AKAP13: variants seen among roughly 807,000 people sequenced by gnomAD.
AKAP13 encodes the protein A-kinase anchor protein 13.
A neutral mutation model predicts 264.5 loss-of-function variants in AKAP13; 80 were observed. The ratio of observed to expected loss-of-function variants is 0.30; its 90% CI spans 0.25 to 0.36. The LOEUF (loss-of-function observed/expected upper bound fraction) is 0.36, where lower values mean the gene tolerates loss of function less well. Among genes scored for constraint, AKAP13 ranks in the 10% least tolerant of loss-of-function variants. The pLI is 1.00. For synonymous variants in AKAP13, 1,380 were observed against 1,250.2 expected (o/e 1.10, Z -2.19); for missense variants, 3,712 against 3,435.2 (o/e 1.08, Z -2.01).
rs371243448 is a variant in AKAP13 at position 85,641,648 on chromosome 15, G to T, written c.4237+2199G>T. On this transcript the variant is annotated intron_variant, in intron 9 of 36. Transcript: ENST00000394518. ...CTACAGGTGCCTGCCACCACACCCG[G>T]CTAATTTTTTTGTATTTTCAGTAGA... Among the ~76,000 whole-genome samples the T allele has an allele frequency of 3.7e-4, 56 of 151,188 alleles. No individual in the cohort carries two copies. In the East Asian group the frequency reaches 5.0e-3, roughly 13 times the overall value.
At chr15:85,464,097 A>G (rs2074632283) in intron 1 of AKAP13, among the ~76,000 whole-genome samples, 2 of 151,970 alleles carry the variant, frequency 1.3e-5, no homozygotes, top group Admixed American at 1.3e-4. Context: ...CCTTTCCCAC[A>G]CGGCGTCTAT....
intron 1 of AKAP13, among the ~76,000 whole-genome samples, chr15:85,460,384 T>G (rs2074463375): frequency 6.6e-6 from 1 of 152,242 alleles, no homozygotes; most frequent in African/African-American, 2.4e-5. Flanking sequence ...TAATGCGTTC[T>G]TAGAAGATAC....
At chr15:85,622,812 C>T (rs2081254261) in intron 8 of AKAP13, among the ~76,000 whole-genome samples, 1 of 152,162 alleles carries the variant, frequency 6.6e-6, no homozygotes, top group East Asian at 1.9e-4. Flanking sequence ...CATGTTTTTC[C>T]TGCTATTCTA....
intron 1 of AKAP13, among the ~76,000 whole-genome samples, chr15:85,473,474 T>C (rs1402915390): frequency 6.6e-6 from 1 of 152,248 alleles, no homozygotes; most frequent in Non-Finnish European, 1.5e-5. Context: ...CAGAGAATGC[T>C]GAGACCTTGG....
chr15:85,544,733 T>A (rs2077678872), intron 5 of AKAP13, among the ~76,000 whole-genome samples: 1 of 152,236 alleles, frequency 6.6e-6, no homozygotes, highest in African/African-American at 2.4e-5. Context: ...GTTTAATACA[T>A]TTTTATTAGT....
At position 85,658,080 on chromosome 15, in the gene AKAP13, G is replaced by T. The variant is rs2287349; in HGVS notation, c.4746-457G>T. Among the ~76,000 whole-genome samples the T allele has an allele frequency of 2.0e-5, 3 of 152,182 alleles. No homozygotes were observed. The East Asian group carries it at 5.8e-4, about 29-fold the overall frequency. ...CTTTTCATCCTGCATAATGTCATGG[G>T]ATCTCCTGTTTGAATTTACTGCTAG... is the stretch of plus-strand genomic sequence containing the variant. On this transcript the variant is annotated intron_variant, in intron 11 of 36. Transcript: ENST00000394518.
chr15:85,686,145 CTGTG>C (rs36166313), intron 16 of AKAP13, among the ~76,000 whole-genome samples: 131 of 149,528 alleles, frequency 8.8e-4, no homozygotes, highest in East Asian at 3.0e-3. Context: ...CAAGGAATCA[CTGTG>C]TGTGTGTGTG....
chr15:85,650,531 G>A lies in AKAP13; in HGVS notation c.4374+4577G>A, dbSNP rs572973227. On this transcript the variant is annotated intron_variant, in intron 10 of 36. Transcript: ENST00000394518. ...ATGCCTTTGAGAGGCCGAGGCAGGCGGATCACTGGAGGTCAGGAGTTCGAG... is the reference window on the plus strand; with the variant it reads ...ATGCCTTTGAGAGGCCGAGGCAGGCAGATCACTGGAGGTCAGGAGTTCGAG... Among the ~76,000 whole-genome samples the A allele has an allele frequency of 7.9e-5, 12 of 151,698 alleles. No individual in the cohort carries two copies. In the East Asian group the frequency reaches 9.7e-4, roughly 12 times the overall value.
chr15:85,399,527 A>AAAAAAAAAAAAAAAAAAT (rs1567038675), intron 1 of AKAP13, among the ~76,000 whole-genome samples: 1 of 114,740 alleles, frequency 8.7e-6, no homozygotes, highest in African/African-American at 3.6e-5. Flanking sequence ...AAAAAATAAA[A>AAAAAAAAAAAAAAAAAAT]AAATAAAAAA....
chr15:85,611,800 C>G (rs1489253175), intron 8 of AKAP13, among the ~76,000 whole-genome samples: 7 of 152,166 alleles, frequency 4.6e-5, no homozygotes, highest in South Asian at 4.1e-4. Context: ...TTTCTTCCCT[C>G]TGGGCCTTAT....
At chr15:85,626,352 G>C (rs1283781683) in intron 8 of AKAP13, among the ~76,000 whole-genome samples, 1 of 152,112 alleles carries the variant, frequency 6.6e-6, no homozygotes, top group East Asian at 1.9e-4. Flanking sequence ...TGTCTCTCCA[G>C]AACTTTTTCA....
chr15:85,566,124 C>G (rs1331894905), intron 5 of AKAP13, among the ~76,000 whole-genome samples: 1 of 152,208 alleles, frequency 6.6e-6, no homozygotes, highest in Non-Finnish European at 1.5e-5. Flanking sequence ...ACCAGTGCTA[C>G]AGAGAGACAA....
chr15:85,686,506 G>A (rs553921111), intron 16 of AKAP13, among the ~76,000 whole-genome samples: 1 of 152,096 alleles, frequency 6.6e-6, no homozygotes, highest in East Asian at 1.9e-4. Flanking sequence ...GTACAGAATG[G>A]AGAGAAAGTA....
intron 8 of AKAP13, among the ~76,000 whole-genome samples, chr15:85,619,009 A>G (rs556658418): frequency 1.3e-4 from 20 of 152,164 alleles, no homozygotes; most frequent in African/African-American, 2.9e-4. Flanking sequence ...GGTAGTTTCA[A>G]TTTTCTGTAC....
intron 20 of AKAP13, 79 bp downstream of exon 20, chr15:85,716,002 C>CATT: frequency 7.9e-7 from 1 of 1,269,302 alleles, no homozygotes; most frequent in Non-Finnish European, 1.0e-6. Flanking sequence ...TGACAAAAAG[C>CATT]TTTTTTTTTT....
chr15:85,732,744 T>C lies in AKAP13; in HGVS notation c.7282+2037T>C, dbSNP rs906249694. Among the ~76,000 whole-genome samples the C allele has an allele frequency of 4.0e-5, 6 of 150,156 alleles. No individual in the cohort carries two copies. The East Asian group carries it at 1.2e-3, about 29-fold the overall frequency. The stretch of plus-strand genomic sequence containing the variant: ...TACTCATAACTGTTAGTAATACTAA[T>C]AGTATTACTAATTACTATTGCTAAT... On this transcript the variant is annotated intron_variant, in intron 30 of 36. Transcript: ENST00000394518.
In AKAP13 at chr15:85,533,863, C is replaced by G. The variant is rs752281960; in HGVS notation, c.461C>G (p.Thr154Arg). The G allele has an allele frequency of 1.9e-6, 3 of 1,594,660 alleles. No homozygotes were observed. Among genetic ancestry groups the G allele is most frequent in the East Asian group, 2.2e-5 (1 of 44,598 alleles). The change falls in exon 4 of 37, where the codon ACA (threonine) becomes AGA (arginine). Residue 154 changes from threonine (T) to arginine (R), a missense_variant. Thr to Arg is a moderately conservative substitution (Grantham distance 71). Coordinates refer to ENST00000394518, the MANE Select transcript of AKAP13 (RefSeq NM_007200.5). ...CCCACGGAGTGGAATGTATTGGGGA[C>G]AGATCAGAGTTTGCATGGTGAGAAT... ...KLPTEWNVLG[T>R]DQSLHDAGPR...
chr15:85,661,301 A>G (rs1467563641), intron 12 of AKAP13, among the ~76,000 whole-genome samples: 2 of 152,224 alleles, frequency 1.3e-5, no homozygotes, highest in African/African-American at 2.4e-5. Context: ...GGACACCGCT[A>G]CTGGGATATT....
At chr15:85,660,650 A>G (rs1320572927) in intron 12 of AKAP13, among the ~76,000 whole-genome samples, 1 of 152,188 alleles carries the variant, frequency 6.6e-6, no homozygotes, top group African/African-American at 2.4e-5. Flanking sequence ...ATGTCAAAGA[A>G]TGGACTTCTG....
Sources: allele counts gnomAD v4.1 joint callset (sites outside exome capture counted in the v4.1 genomes callset), GRCh38; gene constraint gnomAD v4.1.1; transcripts MANE v1.5; gene names NCBI Gene and HGNC (gene_info 2026-07-23, HGNC 2026-07-21).